Variants in GALNT13 observed in about 807,000 individuals in gnomAD.
The protein encoded by GALNT13 is polypeptide N-acetylgalactosaminyltransferase 13.
A neutral mutation model predicts 64.2 loss-of-function variants in GALNT13; 28 were observed. The observed-to-expected ratio is 0.44, with a 90% confidence interval of 0.32 to 0.60. GALNT13 has a LOEUF of 0.60. Among genes scored for constraint, GALNT13 ranks in the 20% least tolerant of loss-of-function variants. The pLI is 0.05. For missense variants in GALNT13, 577 were observed against 669.8 expected, an observed-to-expected ratio of 0.86 and a Z score of 1.53; for synonymous variants, 214 against 224.6, an observed-to-expected ratio of 0.95 and a Z score of 0.42.
chr2:154,024,338 A>T (rs1401874987), intron 3 of GALNT13, among the ~76,000 whole-genome samples: 1 of 152,102 alleles, frequency 6.6e-6, no homozygotes, highest in Non-Finnish European at 1.5e-5. Flanking sequence ...TACACCAATC[A>T]GACATAGATT....
In GALNT13 at chr2:154,042,078, T is replaced by A. The variant is rs566944454; in HGVS notation, c.142+97439T>A. On this transcript the variant is annotated intron_variant, in intron 3 of 12. Coordinates refer to ENST00000392825, the MANE Select transcript of GALNT13 (RefSeq NM_052917.4). ...ATTGATTTATAAAAATCACAAGTGATGTTCTTTTTATACAGTATCTATGTC... is the reference window on the plus strand; with the variant it reads ...ATTGATTTATAAAAATCACAAGTGAAGTTCTTTTTATACAGTATCTATGTC... Among the ~76,000 whole-genome samples, 93 of 140,954 alleles carry A rather than the reference T, an allele frequency of 6.6e-4. 18 individuals are homozygous for A. The highest frequency in any genetic ancestry group is 3.1e-3 in the Admixed American group (43 of 14,082). The allele number at this position is 140,954 out of a possible 152,430, so 92.5% of individuals were successfully genotyped here. A position where few individuals can be genotyped will look rare whatever the true frequency, so the allele number is the denominator to read the frequency against.
the GALNT13 span, among the ~76,000 whole-genome samples, chr2:153,681,471 C>T: frequency 6.6e-6 from 1 of 151,840 alleles, no homozygotes; most frequent in Non-Finnish European, 1.5e-5. Flanking sequence ...CTCTTGAATA[C>T]TAACATCCTT....
chr2:154,152,282 G>C (rs1242266830), intron 4 of GALNT13, among the ~76,000 whole-genome samples: 2 of 152,072 alleles, frequency 1.3e-5, no homozygotes, highest in African/African-American at 4.8e-5. Context: ...GGCTTGTAGA[G>C]TTTCTGCCGA....
At chr2:153,142,166 G>A in the GALNT13 span, among the ~76,000 whole-genome samples, 1 of 152,068 alleles carries the variant, frequency 6.6e-6, no homozygotes, top group African/African-American at 2.4e-5. Flanking sequence ...TGCCATAGTA[G>A]TGGTGCTTAA....
At chr2:153,808,619 C>G in the GALNT13 span, among the ~76,000 whole-genome samples, 2 of 152,116 alleles carry the variant, frequency 1.3e-5, no homozygotes, top group Non-Finnish European at 2.9e-5. Context: ...CTCAGAAAAT[C>G]TCATATATAA....
chr2:153,219,591 A>C, the GALNT13 span, among the ~76,000 whole-genome samples: 23,057 of 152,248 alleles, frequency 0.15, 2,144 homozygotes, highest in Non-Finnish European at 0.21. Flanking sequence ...GACTGTGTTG[A>C]TATTTGGCAT....
At chr2:153,623,111 C>A in the GALNT13 span, among the ~76,000 whole-genome samples, 2 of 152,042 alleles carry the variant, frequency 1.3e-5, 1 homozygote, top group South Asian at 4.1e-4. Flanking sequence ...TTGAAATAGA[C>A]TCCTGAGACA....
chr2:154,308,282 C>G (rs116970587), intron 9 of GALNT13, among the ~76,000 whole-genome samples: 2 of 152,168 alleles, frequency 1.3e-5, no homozygotes, highest in South Asian at 2.1e-4. Context: ...ATTCGTTAAC[C>G]TTTTAAAAAT....
At chr2:154,172,517 C>T (rs1258673931) in intron 4 of GALNT13, among the ~76,000 whole-genome samples, 1 of 151,956 alleles carries the variant, frequency 6.6e-6, no homozygotes, top group Non-Finnish European at 1.5e-5. Context: ...CTTTTAGCTC[C>T]TACTCATGAG....
At chr2:153,092,456 T>A in the GALNT13 span, among the ~76,000 whole-genome samples, 1 of 152,228 alleles carries the variant, frequency 6.6e-6, no homozygotes, top group Non-Finnish European at 1.5e-5. Flanking sequence ...ACAAGATTCA[T>A]GCTTCCAATC....
chr2:153,840,772 TATATAC>T, the GALNT13 span, among the ~76,000 whole-genome samples: 1 of 152,124 alleles, frequency 6.6e-6, no homozygotes, highest in Non-Finnish European at 1.5e-5. Context: ...ACAGGGGGAC[TATATAC>T]CCTAACTTGC....
chr2:154,238,085 C>T (rs372630402), intron 4 of GALNT13, among the ~76,000 whole-genome samples: 1 of 151,950 alleles, frequency 6.6e-6, no homozygotes, highest in African/African-American at 2.4e-5. Context: ...CATACCAGAT[C>T]TACTGAATCA....
the GALNT13 span, among the ~76,000 whole-genome samples, chr2:153,607,933 T>A: frequency 5.3e-4 from 80 of 152,138 alleles, no homozygotes; most frequent in South Asian, 1.2e-3. Flanking sequence ...AAAGTTTTCT[T>A]TTGCTTGTAG....
chr2:153,918,895 A>G (rs774714991), intron 2 of GALNT13, among the ~76,000 whole-genome samples: 5 of 152,096 alleles, frequency 3.3e-5, no homozygotes, highest in South Asian at 2.1e-4. Flanking sequence ...AGATTTTTCA[A>G]TATTTTGTGT....
At chr2:153,078,019 T>C in the GALNT13 span, among the ~76,000 whole-genome samples, 2 of 152,200 alleles carry the variant, frequency 1.3e-5, no homozygotes, top group African/African-American at 4.8e-5. Context: ...ATTTTCTTTG[T>C]AGGTTTTGGA....
intron 3 of GALNT13, among the ~76,000 whole-genome samples, chr2:154,120,050 CTT>C (rs1441835217): frequency 6.6e-6 from 1 of 152,032 alleles, no homozygotes; most frequent in African/African-American, 2.4e-5. Context: ...ACTTCCCTCT[CTT>C]TTGTTTTTAA....
At chr2:154,381,767 C>A (rs533483868) in intron 9 of GALNT13, among the ~76,000 whole-genome samples, 1 of 152,148 alleles carries the variant, frequency 6.6e-6, no homozygotes, top group Admixed American at 6.6e-5. Context: ...ATGGTTGGAA[C>A]TTTGATGCAA....
intron 3 of GALNT13, among the ~76,000 whole-genome samples, chr2:154,012,356 GT>G (rs987855363): frequency 1.3e-5 from 2 of 152,092 alleles, no homozygotes; most frequent in Non-Finnish European, 2.9e-5. Flanking sequence ...GAAATTTTTG[GT>G]TGGAATTTCT....
intron 1 of GALNT13, among the ~76,000 whole-genome samples, chr2:153,876,442 C>T (rs1002182773): frequency 2.0e-5 from 3 of 152,078 alleles, no homozygotes; most frequent in African/African-American, 7.2e-5. Flanking sequence ...TGAAATTTAG[C>T]TTTTCAAGGA....
Sources: allele counts gnomAD v4.1 joint callset (sites outside exome capture counted in the v4.1 genomes callset), GRCh38; gene constraint gnomAD v4.1.1; transcripts MANE v1.5; gene names NCBI Gene and HGNC (gene_info 2026-07-23, HGNC 2026-07-21).